Variants in SARS1 observed in about 807,000 individuals in gnomAD.
The protein encoded by SARS1 is serine--tRNA ligase, cytoplasmic.
In SARS1, 25 loss-of-function variants were observed where a neutral mutation model predicts 63.7. The ratio of observed to expected loss-of-function variants is 0.39; its 90% CI spans 0.29 to 0.55. The LOEUF is 0.55. Ranked by LOEUF, SARS1 falls within the 20% of genes least tolerant of loss-of-function variation. The pLI is 0.62. For missense variants in SARS1, 417 were observed against 649.7 expected (o/e 0.64, Z 3.89); for synonymous variants, 231 against 243.5 (o/e 0.95, Z 0.48).
chr1:109,237,656 G>A lies in SARS1; in HGVS notation c.1388-75G>A. 1 of 1,518,400 alleles carries A rather than the reference G, an allele frequency of 6.6e-7. No homozygotes were observed. The highest frequency in any genetic ancestry group is 9.0e-7 in the Non-Finnish European group (1 of 1,110,030). 94.1% of individuals were successfully genotyped at this position (1,518,400 alleles called of 1,614,324 possible). On this transcript the variant is annotated intron_variant, in intron 10 of 10. Transcript: ENST00000234677. This position sits in a 1 kb window ranked among gnomAD's most constrained non-coding sequence, Gnocchi z 4.1. ...TGTTCAAAGGGATCATTGTCTTGTT[G>A]AATTCTCCCCAGAGGTCTTAGGGCT...
chr1:109,234,538 G>T (rs1372917267), intron 6 of SARS1, among the ~76,000 whole-genome samples: 1 of 152,088 alleles, frequency 6.6e-6, no homozygotes, highest in African/African-American at 2.4e-5. Flanking sequence ...GCAGAGACTG[G>T]TGTCCCTTTT....
At chr1:109,229,161 T>C (rs973390273) in intron 3 of SARS1, among the ~76,000 whole-genome samples, 1 of 152,178 alleles carries the variant, frequency 6.6e-6, no homozygotes, top group African/African-American at 2.4e-5. Context: ...ATGGGAACAA[T>C]AGATAGTGGC....
At chr1:109,233,172 T>G (rs1655241773) in intron 6 of SARS1, among the ~76,000 whole-genome samples, 1 of 152,200 alleles carries the variant, frequency 6.6e-6, no homozygotes, top group Non-Finnish European at 1.5e-5. Flanking sequence ...TTAATTTTTT[T>G]TTTTTAATTA....
intron 4 of SARS1, among the ~76,000 whole-genome samples, chr1:109,230,388 C>T (rs1355113036): frequency 6.6e-6 from 1 of 152,086 alleles, no homozygotes; most frequent in Non-Finnish European, 1.5e-5. Flanking sequence ...TACTACTTCT[C>T]CATTGAGTAG....
intron 1 of SARS1, among the ~76,000 whole-genome samples, chr1:109,223,541 G>T (rs1654999120): frequency 6.6e-6 from 1 of 152,212 alleles, no homozygotes; most frequent in South Asian, 2.1e-4. Flanking sequence ...CTAAGATTAG[G>T]CCGGGCACAG....
chr1:109,227,329 G>A (rs963012446), intron 2 of SARS1, among the ~76,000 whole-genome samples: 4 of 152,122 alleles, frequency 2.6e-5, no homozygotes, highest in African/African-American at 9.7e-5. Context: ...AACTCTTTAA[G>A]TGATCTTTTT....
intron 4 of SARS1, 44 bp from the exon 5 acceptor site, chr1:109,230,834 A>G: frequency 6.6e-7 from 1 of 1,524,184 alleles, no homozygotes; most frequent in Non-Finnish European, 8.8e-7. Flanking sequence ...AAAAATAATA[A>G]AATCATATGT....
intron 9 of SARS1, chr1:109,236,789 T>C (rs78317399): frequency 1.9e-6 from 3 of 1,581,720 alleles, no homozygotes; most frequent in Non-Finnish European, 8.6e-7. Flanking sequence ...TCTGGCTTTG[T>C]TTTTCTTAAC....
At chr1:109,236,837 CAAGTTGGAGGCTTCCCTCTTCTCACCCA>C in intron 9 of SARS1, 1 of 1,603,204 alleles carries the variant, frequency 6.2e-7, no homozygotes, top group Non-Finnish European at 8.5e-7. Flanking sequence ...CTACACAGAA[CAAGTTGGAGGCTTCCCTCTTCTCACCCA>C]AGAAGGTCTG....
chr1:109,219,599 G>A (rs527625647), intron 1 of SARS1, among the ~76,000 whole-genome samples: 40 of 150,234 alleles, frequency 2.7e-4, no homozygotes, highest in African/African-American at 8.8e-4. Flanking sequence ...TGCAACCTCC[G>A]CCTCCCGGGC....
At chr1:109,225,742 C>T (rs764939800) in intron 2 of SARS1, among the ~76,000 whole-genome samples, 32 of 152,282 alleles carry the variant, frequency 2.1e-4, no homozygotes, top group African/African-American at 6.7e-4. Context: ...GTAAGGGAAT[C>T]GGCTTAGGAA....
chr1:109,214,257 G>A lies in SARS1; in HGVS notation c.136+129G>A, dbSNP rs1392255629. 83 of 1,140,690 alleles carry A rather than the reference G, an allele frequency of 7.3e-5. No individual in the cohort carries two copies. The highest frequency in any genetic ancestry group is 9.0e-5 in the Non-Finnish European group (74 of 817,944). The allele number at this position is 1,140,690 out of a possible 1,614,324, so 70.7% of individuals were successfully genotyped here. A position where few individuals can be genotyped will look rare whatever the true frequency, so the allele number is the denominator to read the frequency against. ...CCCCCTCCCAGGGTGCGGTGGCTCC[G>A]AGGTTCTCCCCATCCCCGAAAACAC... is the stretch of plus-strand genomic sequence containing the variant. On this transcript the variant is annotated intron_variant, in intron 1 of 10. Coordinates refer to ENST00000234677, the MANE Select transcript of SARS1 (RefSeq NM_006513.4). The surrounding 1 kb of genome is among the most constrained non-coding windows in gnomAD (Gnocchi z 4.6).
chr1:109,237,152 G>A lies in SARS1; in HGVS notation c.1258-92G>A. ...CATTTTGATTTGGACAGTTGTGGTTGGGGAAGTCTGGTTGAATGGATGGTT... is the reference window on the plus strand; with the variant it reads ...CATTTTGATTTGGACAGTTGTGGTTAGGGAAGTCTGGTTGAATGGATGGTT... On this transcript the variant is annotated intron_variant, in intron 9 of 10. Coordinates refer to ENST00000234677, the MANE Select transcript of SARS1 (RefSeq NM_006513.4). This position sits in a 1 kb window ranked among gnomAD's most constrained non-coding sequence, Gnocchi z 4.1. 1 of 1,517,256 alleles carries A rather than the reference G, an allele frequency of 6.6e-7. No homozygotes were observed. The highest frequency in any genetic ancestry group is 1.3e-5 in the South Asian group (1 of 76,624). The allele number at this position is 1,517,256 out of a possible 1,614,324, so 94.0% of individuals were successfully genotyped here. A position where few individuals can be genotyped will look rare whatever the true frequency, so the allele number is the denominator to read the frequency against.
chr1:109,216,762 C>T (rs1654798355), intron 1 of SARS1: 5 of 439,844 alleles, frequency 1.1e-5, no homozygotes, highest in Non-Finnish European at 1.5e-5. Flanking sequence ...GCTGAGACTA[C>T]AGGCGCAATG....
intron 1 of SARS1, chr1:109,216,527 A>T (rs1274106228): frequency 2.0e-6 from 2 of 985,230 alleles, no homozygotes; most frequent in African/African-American, 3.5e-5. Context: ...ATTTCCATGT[A>T]ACTGGAAATC....
At chr1:109,236,640 C>T (rs1655318216) in intron 9 of SARS1, 92 bp downstream of exon 9, 1 of 1,512,476 alleles carries the variant, frequency 6.6e-7, no homozygotes, top group Non-Finnish European at 8.9e-7. Context: ...TGGTCCCCAG[C>T]ATCATGGGAA....
chr1:109,231,028 G>T lies in SARS1; in HGVS notation c.591+7G>T. 2 of 1,467,270 alleles carry T rather than the reference G, an allele frequency of 1.4e-6. No homozygotes were observed. The highest frequency in any genetic ancestry group is 1.8e-6 in the Non-Finnish European group (2 of 1,110,830). 90.9% of individuals were successfully genotyped at this position (1,467,270 alleles called of 1,614,324 possible). Reference sequence around the variant, plus strand: ...TCGAGGGTACTTCTTGAAGGTAAGAGCTGGGAACCAGTGAGGATAGGATTA... The same window carrying T: ...TCGAGGGTACTTCTTGAAGGTAAGATCTGGGAACCAGTGAGGATAGGATTA... On this transcript the variant is annotated splice_region_variant and intron_variant, in intron 5 of 10. Coordinates refer to ENST00000234677, the MANE Select transcript of SARS1 (RefSeq NM_006513.4).
intron 2 of SARS1, among the ~76,000 whole-genome samples, chr1:109,226,675 A>ATATATAT (rs1164050994): frequency 3.1e-3 from 100 of 32,310 alleles, no homozygotes; most frequent in African/African-American, 7.5e-3. Context: ...AAAAAAAAAA[A>ATATATAT]AAATATATAT....
chr1:109,216,056 C>G (rs1557713273), intron 1 of SARS1: 12 of 985,252 alleles, frequency 1.2e-5, no homozygotes, highest in Middle Eastern at 1.0e-3. Context: ...ATTTGACAAC[C>G]CTTTCCAATA....
Sources: allele counts gnomAD v4.1 joint callset (sites outside exome capture counted in the v4.1 genomes callset), GRCh38; gene constraint gnomAD v4.1.1; non-coding constraint Gnocchi (gnomAD v3.1); transcripts MANE v1.5; gene names NCBI Gene and HGNC (gene_info 2026-07-23, HGNC 2026-07-21).